Variants in PTPRR observed in about 807,000 individuals in gnomAD.
PTPRR encodes the protein protein tyrosine phosphatase receptor type R, also known as receptor-type tyrosine-protein phosphatase R.
A neutral mutation model predicts 77.2 loss-of-function variants in PTPRR; 38 were observed. That is an observed-to-expected ratio of 0.49 (90% CI 0.38 to 0.65). The LOEUF (loss-of-function observed/expected upper bound fraction) is 0.65, where lower values mean the gene tolerates loss of function less well. PTPRR is among the 30% of genes least tolerant of loss of function. The pLI is 0.00. For missense variants in PTPRR, 744 were observed against 799.2 expected, an observed-to-expected ratio of 0.93 and a Z score of 0.83; for synonymous variants, 299 against 283.1, an observed-to-expected ratio of 1.06 and a Z score of -0.57.
intron 2 of PTPRR, among the ~76,000 whole-genome samples, chr12:70,797,677 C>T (rs1350712920): frequency 6.6e-6 from 1 of 152,170 alleles, no homozygotes; most frequent in African/African-American, 2.4e-5. Context: ...GTGTCCTTAT[C>T]TAGTTCTCAG....
chr12:70,857,963 C>T (rs1476101241), intron 2 of PTPRR, among the ~76,000 whole-genome samples: 1 of 152,016 alleles, frequency 6.6e-6, no homozygotes, highest in Non-Finnish European at 1.5e-5. Context: ...CAAGAAAGGA[C>T]TTGTTGCTGA....
At chr12:70,860,215 C>T (rs1363285666) in intron 2 of PTPRR, among the ~76,000 whole-genome samples, 1 of 152,090 alleles carries the variant, frequency 6.6e-6, no homozygotes, top group Admixed American at 6.6e-5. Context: ...TAGAGTCAAA[C>T]TAAGGAAATG....
At chr12:70,796,266 T>C (rs1167635379) in intron 2 of PTPRR, among the ~76,000 whole-genome samples, 5 of 152,118 alleles carry the variant, frequency 3.3e-5, no homozygotes, top group African/African-American at 4.8e-5. Flanking sequence ...GTCTTCCATT[T>C]CATTTGACTA....
At chr12:70,731,907 A>G (rs1889675980) in intron 6 of PTPRR, among the ~76,000 whole-genome samples, 1 of 152,224 alleles carries the variant, frequency 6.6e-6, no homozygotes, top group Non-Finnish European at 1.5e-5. Flanking sequence ...GGGTCAGGGA[A>G]CAAGAGAGGT....
chr12:70,833,701 C>T (rs934683188), intron 2 of PTPRR, among the ~76,000 whole-genome samples: 1 of 152,100 alleles, frequency 6.6e-6, no homozygotes, highest in African/African-American at 2.4e-5. Flanking sequence ...TGGTTTGGAT[C>T]GAAGCTGACA....
intron 13 of PTPRR, among the ~76,000 whole-genome samples, chr12:70,642,822 TTAAA>T (rs760876790): frequency 1.3e-5 from 2 of 152,160 alleles, no homozygotes; most frequent in African/African-American, 2.4e-5. Flanking sequence ...TCTGAAAATA[TTAAA>T]TAAATGTCCT....
At chr12:70,833,999 T>C (rs1892260111) in intron 2 of PTPRR, among the ~76,000 whole-genome samples, 1 of 152,136 alleles carries the variant, frequency 6.6e-6, no homozygotes. Context: ...GAATCTGCCC[T>C]GGCACATTTG....
At chr12:70,642,655 C>A (rs76128054) in intron 13 of PTPRR, among the ~76,000 whole-genome samples, 1 of 151,970 alleles carries the variant, frequency 6.6e-6, no homozygotes, top group Admixed American at 6.6e-5. Flanking sequence ...AAAGCACTTA[C>A]GAGTCCTAGG....
At chr12:70,685,280 C>A (rs1032086757) in intron 8 of PTPRR, among the ~76,000 whole-genome samples, 2 of 152,014 alleles carry the variant, frequency 1.3e-5, no homozygotes, top group Admixed American at 1.3e-4. Flanking sequence ...GATTAATAAT[C>A]TATTACGTGC....
chr12:70,686,632 G>C (rs1313886011), intron 8 of PTPRR, among the ~76,000 whole-genome samples: 1 of 152,082 alleles, frequency 6.6e-6, no homozygotes, highest in East Asian at 1.9e-4. Context: ...TGCTTGCTCT[G>C]GAGGAAGCTA....
chr12:70,745,511 A>G (rs1890185027), intron 6 of PTPRR, among the ~76,000 whole-genome samples: 1 of 152,214 alleles, frequency 6.6e-6, no homozygotes, highest in Non-Finnish European at 1.5e-5. Flanking sequence ...ATTAAACAAG[A>G]TAGCATCTTG....
At chr12:70,793,282 A>T (rs937239878) in intron 2 of PTPRR, among the ~76,000 whole-genome samples, 2 of 152,212 alleles carry the variant, frequency 1.3e-5, no homozygotes, top group Admixed American at 6.5e-5. Flanking sequence ...TGCTCAGATC[A>T]GAGCAGAGTT....
intron 2 of PTPRR, among the ~76,000 whole-genome samples, chr12:70,773,834 G>A (rs559403791): frequency 6.6e-6 from 1 of 152,226 alleles, no homozygotes; most frequent in Non-Finnish European, 1.5e-5. Context: ...ATTTTTAATA[G>A]CCTAAATATG....
chr12:70,744,566 T>C (rs1890152074), intron 6 of PTPRR, among the ~76,000 whole-genome samples: 1 of 152,234 alleles, frequency 6.6e-6, no homozygotes, highest in South Asian at 2.1e-4. Flanking sequence ...CAAATAATTA[T>C]GAAGGATCAA....
Position 70,684,780 on chromosome 12 carries a change from G to T in PTPRR, c.1283C>A (p.Pro428His). Reference protein sequence around the residue: ...KNRYKTILPNPLSRVCLRPKN... With the variant: ...KNRYKTILPNHLSRVCLRPKN... ...TGGTCTTAAACACACTCTGCTGAGG[G>T]GATCTAATGAAGAAAACAAAAAAGA... Residue 428 changes from proline to histidine, a missense_variant, in exon 9 of 14, where the codon CCC becomes CAC. Pro to His is a moderately conservative substitution (Grantham distance 77, BLOSUM62 -2). This residue lies in a region of PTPRR where 570 missense variants were observed against 573.2 expected (regional missense o/e 0.99). Transcript: ENST00000283228. 2 of 1,592,580 alleles carry T rather than the reference G, an allele frequency of 1.3e-6. No individual in the cohort carries two copies. The highest frequency in any genetic ancestry group is 1.7e-6 in the Non-Finnish European group (2 of 1,168,808).
chr12:70,774,894 C>T (rs986786920), intron 2 of PTPRR, among the ~76,000 whole-genome samples: 1 of 152,146 alleles, frequency 6.6e-6, no homozygotes, highest in Non-Finnish European at 1.5e-5. Flanking sequence ...ACAGCCTCTC[C>T]TCATCCTATT....
intron 12 of PTPRR, among the ~76,000 whole-genome samples, chr12:70,657,088 G>GGTCT (rs1886613001): frequency 2.6e-5 from 4 of 152,210 alleles, no homozygotes; most frequent in South Asian, 4.2e-4. Flanking sequence ...AAATAATTAA[G>GGTCT]GTCTGCACTT....
chr12:70,868,800 A>T (rs1048238848), intron 2 of PTPRR, among the ~76,000 whole-genome samples: 1 of 152,064 alleles, frequency 6.6e-6, no homozygotes, highest in African/African-American at 2.4e-5. Context: ...ATGTCCAACG[A>T]TAGACTGGAT....
At chr12:70,818,701 C>T (rs901733694) in intron 2 of PTPRR, among the ~76,000 whole-genome samples, 2 of 152,006 alleles carry the variant, frequency 1.3e-5, no homozygotes, top group Non-Finnish European at 2.9e-5. Flanking sequence ...TACCAAAAAT[C>T]TGTGTCAAAT....
Sources: gnomAD v4.1 joint callset for allele counts (sites outside exome capture counted in the v4.1 genomes callset) on GRCh38, gnomAD v4.1.1 for gene constraint, gnomAD v4.1.1 regional missense constraint, MANE v1.5 for transcripts, NCBI Gene and HGNC (gene_info 2026-07-23, HGNC 2026-07-21) for gene names.